Variants in AFG2A observed in about 807,000 individuals in gnomAD.
AFG2A encodes AAA ATPase AFG2A, also known as ATPase family gene 2 protein homolog A.
At chr4:122,981,495 G>T in the AFG2A span, among the ~76,000 whole-genome samples, 4 of 129,912 alleles carry the variant, frequency 3.1e-5, no homozygotes, top group African/African-American at 2.9e-5. Context: ...AGATTACTTT[G>T]ACTATATGGT....
At chr4:123,005,577 T>C in the AFG2A span, among the ~76,000 whole-genome samples, 1 of 152,232 alleles carries the variant, frequency 6.6e-6, no homozygotes, top group East Asian at 1.9e-4. Context: ...AGGTGGGATG[T>C]GTGGTTACTG....
the AFG2A span, among the ~76,000 whole-genome samples, chr4:123,050,575 T>C: frequency 9.6e-4 from 146 of 152,326 alleles, 1 homozygote; most frequent in Middle Eastern, 0.014. Flanking sequence ...TGTCTCTTTT[T>C]ACAAGTTGTG....
At chr4:123,272,160 A>G in the AFG2A span, among the ~76,000 whole-genome samples, 1 of 152,148 alleles carries the variant, frequency 6.6e-6, no homozygotes, top group Non-Finnish European at 1.5e-5. Flanking sequence ...TCAGGGTGAC[A>G]CTGTTGTGCT....
At chr4:123,245,589 A>G in the AFG2A span, among the ~76,000 whole-genome samples, 4 of 152,292 alleles carry the variant, frequency 2.6e-5, no homozygotes, top group African/African-American at 9.6e-5. Context: ...ATGTGTGTGC[A>G]TGCTAAATTT....
chr4:123,224,277 T>C, the AFG2A span, among the ~76,000 whole-genome samples: 1 of 152,140 alleles, frequency 6.6e-6, no homozygotes, highest in Non-Finnish European at 1.5e-5. Context: ...TTGTTACATA[T>C]GTATACATGT....
the AFG2A span, chr4:123,028,341 A>G: frequency 6.2e-7 from 1 of 1,614,122 alleles, no homozygotes; most frequent in Non-Finnish European, 8.5e-7. Flanking sequence ...GCTCTAAAAC[A>G]ATGATAGCAA....
chr4:122,930,194 C>A, the AFG2A span, among the ~76,000 whole-genome samples: 1 of 152,202 alleles, frequency 6.6e-6, no homozygotes, highest in Non-Finnish European at 1.5e-5. Flanking sequence ...TCCCTCACCA[C>A]AGGGTAATTG....
At chr4:122,959,250 G>A in the AFG2A span, among the ~76,000 whole-genome samples, 285 of 152,274 alleles carry the variant, frequency 1.9e-3, no homozygotes, top group South Asian at 6.8e-3. Flanking sequence ...GTGTTGTTGC[G>A]TTTCCTCCCA....
chr4:123,028,670 C>CT, the AFG2A span, among the ~76,000 whole-genome samples: 19 of 151,556 alleles, frequency 1.3e-4, no homozygotes, highest in East Asian at 1.9e-3. Context: ...AGAAGCTAAT[C>CT]TTTTTTTTTG....
chr4:122,961,713 C>G, the AFG2A span, among the ~76,000 whole-genome samples: 1 of 152,162 alleles, frequency 6.6e-6, no homozygotes, highest in Non-Finnish European at 1.5e-5. Flanking sequence ...CCATGTTGAC[C>G]AGTTTGGTCC....
the AFG2A span, among the ~76,000 whole-genome samples, chr4:123,106,311 A>G: frequency 1.3e-5 from 2 of 152,204 alleles, no homozygotes; most frequent in Non-Finnish European, 2.9e-5. Context: ...CATAGCTTTT[A>G]TATATATTGG....
At chr4:123,029,883 C>T in the AFG2A span, among the ~76,000 whole-genome samples, 1 of 152,126 alleles carries the variant, frequency 6.6e-6, no homozygotes, top group Non-Finnish European at 1.5e-5. Flanking sequence ...AGCAGCCCTC[C>T]CACCTTACCC....
chr4:122,989,608 T>C, the AFG2A span, among the ~76,000 whole-genome samples: 1 of 152,124 alleles, frequency 6.6e-6, no homozygotes, highest in South Asian at 2.1e-4. Flanking sequence ...AATTTGGGGC[T>C]GCAGGTCCAA....
chr4:122,992,052 T>C, the AFG2A span, among the ~76,000 whole-genome samples: 2 of 152,320 alleles, frequency 1.3e-5, no homozygotes, highest in South Asian at 4.1e-4. Flanking sequence ...TCAAAAACAC[T>C]TTCTAGTTTA....
the AFG2A span, among the ~76,000 whole-genome samples, chr4:123,275,743 G>T: frequency 1.8e-4 from 28 of 152,226 alleles, no homozygotes; most frequent in East Asian, 5.4e-3. Context: ...AGAACATGTG[G>T]TATTTGGTTT....
At chr4:123,295,021 T>C in the AFG2A span, among the ~76,000 whole-genome samples, 2 of 152,208 alleles carry the variant, frequency 1.3e-5, no homozygotes. Flanking sequence ...GATTGCTGCT[T>C]CTGACACTTT....
the AFG2A span, among the ~76,000 whole-genome samples, chr4:123,112,725 C>T: frequency 6.6e-6 from 1 of 151,928 alleles, no homozygotes; most frequent in Non-Finnish European, 1.5e-5. Context: ...TGTTTCCAGA[C>T]CATAAAAGCT....
chr4:122,937,204 G>A, the AFG2A span, among the ~76,000 whole-genome samples: 1 of 152,068 alleles, frequency 6.6e-6, no homozygotes, highest in South Asian at 2.1e-4. Flanking sequence ...TATTATGAGT[G>A]ACGTTATGTT....
the AFG2A span, among the ~76,000 whole-genome samples, chr4:122,999,831 C>G: frequency 2.2e-4 from 33 of 152,004 alleles, no homozygotes; most frequent in African/African-American, 7.7e-4. Context: ...GTAGTTTTCT[C>G]CAATTCTGTG....
Sources: gnomAD v4.1 joint callset for allele counts (sites outside exome capture counted in the v4.1 genomes callset) on GRCh38, gnomAD v4.1.1 for gene constraint, MANE v1.5 for transcripts, NCBI Gene and HGNC (gene_info 2026-07-23, HGNC 2026-07-21) for gene names.